The following TTC8 variants were observed in gnomAD, a reference collection of about 807,000 sequenced individuals.
The protein encoded by TTC8 is tetratricopeptide repeat protein 8.
A neutral mutation model predicts 72.5 loss-of-function variants in TTC8; 47 were observed. That is an observed-to-expected ratio of 0.65 (90% CI 0.51 to 0.83). The LOEUF is 0.83. TTC8 is among the 40% of genes least tolerant of loss of function. TTC8 has a pLI of 0.00. For missense variants in TTC8, 611 were observed against 623.2 expected, an observed-to-expected ratio of 0.98 and a Z score of 0.21; for synonymous variants, 199 against 221.4, an observed-to-expected ratio of 0.90 and a Z score of 0.90.
In TTC8 at chr14:88,872,452, G is replaced by A. The variant is rs876661403; in HGVS notation, c.1347G>A (p.Gln449=). ...VLEMRKGHVE[Q]ARALLQTASS... ...AGATGCGGAAGGGCCACGTTGAACA[G>A]GTCAGTGAACTGGCAGCGGCATGCT... Residue 449 remains glutamine (Q), a splice_region_variant and synonymous_variant, in exon 13 of 15, where the codon CAG becomes CAA. Transcript: ENST00000380656. The A allele has an allele frequency of 1.9e-6, 3 of 1,613,564 alleles. No individual in the cohort carries two copies. The highest frequency in any genetic ancestry group is 2.5e-6 in the Non-Finnish European group (3 of 1,179,788).
intron 2 of TTC8, among the ~76,000 whole-genome samples, chr14:88,837,626 T>C (rs974167135): frequency 6.6e-6 from 1 of 152,214 alleles, no homozygotes; most frequent in Non-Finnish European, 1.5e-5. Context: ...AAGAATGCTC[T>C]TTTGAAAAAT....
intron 7 of TTC8, among the ~76,000 whole-genome samples, chr14:88,846,139 TC>T (rs2094805358): frequency 6.6e-6 from 1 of 151,988 alleles, no homozygotes. Context: ...AAACCCTGTC[TC>T]TACAAAAAAT....
At chr14:88,853,855 A>G (rs931084905) in intron 8 of TTC8, among the ~76,000 whole-genome samples, 31 of 152,232 alleles carry the variant, frequency 2.0e-4, no homozygotes, top group Non-Finnish European at 2.9e-4. Context: ...ATTTGGAAAA[A>G]TAGAAACAAA....
chr14:88,880,352 A>G (rs532374672), downstream of TTC8: 39 of 152,332 alleles, frequency 2.6e-4, no homozygotes, highest in Admixed American at 1.6e-3. Context: ...CATTTTTGAG[A>G]GAGACTATTA....
chr14:88,838,739 T>A (rs906787364), intron 2 of TTC8, among the ~76,000 whole-genome samples: 3 of 152,220 alleles, frequency 2.0e-5, no homozygotes, highest in African/African-American at 7.2e-5. Flanking sequence ...GATAAAATAT[T>A]TGCCAGTTTA....
intron 7 of TTC8, among the ~76,000 whole-genome samples, chr14:88,852,513 T>C (rs1476817217): frequency 6.6e-6 from 1 of 152,190 alleles, no homozygotes; most frequent in Non-Finnish European, 1.5e-5. Context: ...TTTCCAAGCC[T>C]TTTCTCTACC....
Position 88,840,935 on chromosome 14 carries a change from A to G in TTC8, c.329+7A>G, listed in dbSNP as rs1195887257. On this transcript the variant is annotated splice_region_variant and intron_variant, in intron 4 of 14. Transcript: ENST00000380656. ...GGCCTAGCCAGGCCGTTAGGTATGT[A>G]CTTCTGCTTCATAACCTCTGCCACT... The G allele has an allele frequency of 6.2e-7, 1 of 1,614,046 alleles. No individual in the cohort carries two copies. Among genetic ancestry groups the G allele is most frequent in the African/African-American group, 1.3e-5 (1 of 74,938 alleles).
In TTC8 at chr14:88,850,218, G is replaced by T. The variant is rs2094827337; in HGVS notation, c.625-2753G>T. On this transcript the variant is annotated intron_variant, in intron 7 of 14. Coordinates refer to ENST00000380656, the MANE Select transcript of TTC8 (RefSeq NM_144596.4). ...TTTTAATTATGAATCTTATTACTAT[G>T]ACAATTTTGTTTGGTTTTTAAGGTG... is the stretch of plus-strand genomic sequence containing the variant. 2.0e-5 allele frequency among the ~76,000 whole-genome samples: 3 copies of T among 152,264 alleles called. 1 individual carries two copies. Among genetic ancestry groups the T allele is most frequent in the Non-Finnish European group, 1.5e-5 (1 of 68,016 alleles).
At position 88,824,793 on chromosome 14, in the gene TTC8, A is replaced by C; in HGVS notation, c.86A>C (p.Gln29Pro). 2 of 1,613,466 alleles carry C rather than the reference A, an allele frequency of 1.2e-6. No homozygotes were observed. The highest frequency in any genetic ancestry group is 1.7e-6 in the Non-Finnish European group (2 of 1,179,758). Residue 29 changes from glutamine (Q) to proline (P), a missense_variant, in exon 1 of 15, where the codon CAG (glutamine) becomes CCG (proline). Transcript: ENST00000380656. ...KFQLCADLCT[Q>P]MLEKSPYDQE... ...CAGCTCTGCGCCGATCTATGCACGC[A>C]GATGCTGGAGAAGTCCCCTTATGAC...
chr14:88,840,548 A>G (rs1031343295), intron 3 of TTC8, among the ~76,000 whole-genome samples: 2 of 152,074 alleles, frequency 1.3e-5, no homozygotes, highest in African/African-American at 4.8e-5. Flanking sequence ...ATTATTTTGA[A>G]CTTTGGAGCC....
intron 1 of TTC8, among the ~76,000 whole-genome samples, chr14:88,831,974 C>A (rs1236940298): frequency 6.6e-6 from 1 of 152,032 alleles, no homozygotes; most frequent in Non-Finnish European, 1.5e-5. Flanking sequence ...TAGGTGCCTC[C>A]CCCTCTAGAA....
intron 10 of TTC8, among the ~76,000 whole-genome samples, chr14:88,869,386 C>A (rs2094923994): frequency 6.6e-6 from 1 of 151,960 alleles, no homozygotes. Context: ...GACTTTTGAT[C>A]TTCCTGCTAC....
chr14:88,876,229 G>A (rs7145375), intron 14 of TTC8, among the ~76,000 whole-genome samples: 75,055 of 152,046 alleles, frequency 0.49, 20,022 homozygotes, highest in African/African-American at 0.7. Flanking sequence ...CATTTTAATA[G>A]TATATAACTC....
chr14:88,862,624 C>T (rs2094893202), intron 10 of TTC8, among the ~76,000 whole-genome samples: 1 of 107,388 alleles, frequency 9.3e-6, no homozygotes, highest in African/African-American at 3.5e-5. Flanking sequence ...ACTCTGTTGC[C>T]CAGGCTGGAT....
chr14:88,831,964 T>C lies in TTC8; in HGVS notation c.115-1729T>C, dbSNP rs539152163. On this transcript the variant is annotated intron_variant, in intron 1 of 14. Coordinates refer to ENST00000380656, the MANE Select transcript of TTC8 (RefSeq NM_144596.4). ...GTATTTGACACATTGTATTGTAATT[T>C]AGGTGCCTCCCCCTCTAGAATGTTG... is the stretch of plus-strand genomic sequence containing the variant. Among the ~76,000 whole-genome samples, 39 of 152,300 alleles carry C rather than the reference T, an allele frequency of 2.6e-4. No homozygotes were observed. In the South Asian group the frequency reaches 7.9e-3, roughly 31 times the overall value.
In TTC8 at chr14:88,840,853, C is replaced by G; in HGVS notation, c.266-12C>G. 6.2e-7 allele frequency: 1 copy of G among 1,613,694 alleles called. No homozygotes were observed. Among genetic ancestry groups the G allele is most frequent in the Non-Finnish European group, 8.5e-7 (1 of 1,179,686 alleles). On this transcript the variant is annotated splice_polypyrimidine_tract_variant and intron_variant, in intron 3 of 14. Coordinates refer to ENST00000380656, the MANE Select transcript of TTC8 (RefSeq NM_144596.4). Reference sequence around the variant, plus strand: ...ATAATATATAAATTGTATTAGCCATCTTGTCTCCTAGGCCCTGGAACGTCT... The same window carrying G: ...ATAATATATAAATTGTATTAGCCATGTTGTCTCCTAGGCCCTGGAACGTCT...
intron 7 of TTC8, among the ~76,000 whole-genome samples, chr14:88,846,394 A>G (rs2094806781): frequency 6.6e-6 from 1 of 152,178 alleles, no homozygotes; most frequent in African/African-American, 2.4e-5. Context: ...GAACCACATC[A>G]TTATGTGTAG....
chr14:88,852,853 C>G lies in TTC8; in HGVS notation c.625-118C>G. 7 of 893,352 alleles carry G rather than the reference C, an allele frequency of 7.8e-6. No homozygotes were observed. In the Admixed American group the frequency reaches 1.0e-4, roughly 13 times the overall value. The allele number at this position is 893,352 out of a possible 1,614,324, so 55.3% of individuals were successfully genotyped here. ...AAACATGAGCAACTTGAGTTTCTGTCGGATTTCTAATGCACATTTTGATTG... is the reference window on the plus strand; with the variant it reads ...AAACATGAGCAACTTGAGTTTCTGTGGGATTTCTAATGCACATTTTGATTG... On this transcript the variant is annotated intron_variant, in intron 7 of 14. Transcript: ENST00000380656.
At chr14:88,858,543 G>C (rs990678418) in intron 9 of TTC8, among the ~76,000 whole-genome samples, 2 of 151,894 alleles carry the variant, frequency 1.3e-5, no homozygotes, top group Admixed American at 6.6e-5. Context: ...AAAAATGTTT[G>C]AAACTATCTG....
Sources: gnomAD v4.1 joint callset for allele counts (sites outside exome capture counted in the v4.1 genomes callset) on GRCh38, gnomAD v4.1.1 for gene constraint, MANE v1.5 for transcripts, NCBI Gene and HGNC (gene_info 2026-07-23, HGNC 2026-07-21) for gene names.